PPP2R5C: variants seen among roughly 807,000 people sequenced by gnomAD.
PPP2R5C encodes the protein serine/threonine-protein phosphatase 2A 56 kDa regulatory subunit gamma isoform.
A neutral mutation model predicts 68.9 loss-of-function variants in PPP2R5C; 7 were observed. The observed-to-expected ratio is 0.10, with a 90% CI of 0.06 to 0.19. The LOEUF (loss-of-function observed/expected upper bound fraction) is 0.19. Among genes scored for constraint, PPP2R5C ranks in the 10% least tolerant of loss-of-function variants. PPP2R5C has a pLI of 1.00. For synonymous variants in PPP2R5C, 210 were observed against 222.2 expected, an observed-to-expected ratio of 0.95 and a Z score of 0.49; for missense variants, 348 against 641.3, an observed-to-expected ratio of 0.54 and a Z score of 4.94.
intron 1 of PPP2R5C, among the ~76,000 whole-genome samples, chr14:101,817,026 C>T (rs1411003143): frequency 6.7e-6 from 1 of 148,590 alleles, no homozygotes; most frequent in Non-Finnish European, 1.5e-5. Flanking sequence ...GGAGCAATCT[C>T]AGCTCACTGC....
chr14:101,760,964 CGAGGG>C (rs1234546558), upstream of PPP2R5C, among the ~76,000 whole-genome samples: 90 of 75,006 alleles, frequency 1.2e-3, no homozygotes, highest in East Asian at 8.6e-3. Context: ...ACGGGCTGGT[CGAGGG>C]GAGGGGAGGG....
At chr14:101,846,076 G>A (rs1211278128) in intron 1 of PPP2R5C, among the ~76,000 whole-genome samples, 1 of 152,234 alleles carries the variant, frequency 6.6e-6, no homozygotes, top group East Asian at 1.9e-4. Flanking sequence ...GGTTTCTCAT[G>A]GAGCCCCGCC....
At chr14:101,914,182 G>A (rs543110020) in intron 12 of PPP2R5C, 14 of 456,102 alleles carry the variant, frequency 3.1e-5, no homozygotes, top group African/African-American at 1.6e-4. Flanking sequence ...CAGGCATGCC[G>A]TGGTTCTGCA....
intron 1 of PPP2R5C, chr14:101,818,773 A>C (rs1245048072): frequency 2.8e-5 from 12 of 433,622 alleles, no homozygotes; most frequent in Non-Finnish European, 4.2e-5. Flanking sequence ...TCCCAACTAT[A>C]ACCTTATATC....
chr14:101,922,753 G>A (rs1257655790), intron 13 of PPP2R5C, among the ~76,000 whole-genome samples: 2 of 151,976 alleles, frequency 1.3e-5, no homozygotes, highest in African/African-American at 4.8e-5. Flanking sequence ...AGGAGTTGGA[G>A]TCTGCAGTGA....
At chr14:101,903,467 G>A (rs913366237) in intron 9 of PPP2R5C, among the ~76,000 whole-genome samples, 7 of 152,156 alleles carry the variant, frequency 4.6e-5, no homozygotes, top group Admixed American at 6.5e-5. Context: ...CTGCCAGGGC[G>A]GCCTGCCATG....
chr14:101,895,987 T>TG (rs1326372329), intron 8 of PPP2R5C, among the ~76,000 whole-genome samples: 1 of 152,192 alleles, frequency 6.6e-6, no homozygotes, highest in Non-Finnish European at 1.5e-5. Flanking sequence ...CTGATGCTGC[T>TG]GCTGCTGCTG....
intron 2 of PPP2R5C, 133 bp downstream of exon 2, chr14:101,763,103 T>C (rs75376491): frequency 0.065 from 44,669 of 692,232 alleles, 1,615 homozygotes; most frequent in East Asian, 0.12. Flanking sequence ...TGGTGTCTTT[T>C]ATAACCCTCA....
chr14:101,805,262 C>T (rs1358898781), upstream of PPP2R5C, among the ~76,000 whole-genome samples: 1 of 152,052 alleles, frequency 6.6e-6, no homozygotes, highest in African/African-American at 2.4e-5. Flanking sequence ...GATGGGGTTT[C>T]GCCATGTTGG....
intron 2 of PPP2R5C, among the ~76,000 whole-genome samples, chr14:101,763,214 G>T (rs187921686): frequency 3.4e-4 from 52 of 151,516 alleles, no homozygotes; most frequent in Admixed American, 6.6e-4. Context: ...GTCTTTTGGG[G>T]TTTTTTTTGT....
chr14:101,865,202 G>A (rs561722648), intron 2 of PPP2R5C, among the ~76,000 whole-genome samples: 11 of 152,182 alleles, frequency 7.2e-5, no homozygotes, highest in Non-Finnish European at 1.2e-4. Context: ...ACGGGGGCAG[G>A]CACCCAATTC....
At chr14:101,842,059 AG>A (rs1490906622) in intron 1 of PPP2R5C, among the ~76,000 whole-genome samples, 2 of 152,150 alleles carry the variant, frequency 1.3e-5, no homozygotes, top group African/African-American at 2.4e-5. Flanking sequence ...TCAGGAAAAC[AG>A]AAGTTCAGTG....
intron 1 of PPP2R5C, among the ~76,000 whole-genome samples, chr14:101,830,103 G>C (rs2040647416): frequency 1.3e-5 from 2 of 152,126 alleles, no homozygotes; most frequent in Admixed American, 1.3e-4. Context: ...GTAAAGAAAA[G>C]CATCTATATT....
intron 3 of PPP2R5C, among the ~76,000 whole-genome samples, chr14:101,803,970 C>A (rs748699306): frequency 3.3e-5 from 5 of 152,100 alleles, no homozygotes; most frequent in Non-Finnish European, 5.9e-5. Context: ...TTGCAAACTA[C>A]TCATCTGACA....
At chr14:101,813,387 G>A (rs527852265) in intron 1 of PPP2R5C, among the ~76,000 whole-genome samples, 1 of 152,358 alleles carries the variant, frequency 6.6e-6, no homozygotes, top group Non-Finnish European at 1.5e-5. Flanking sequence ...CAGGTGACAG[G>A]CTGGATTTGG....
intron 2 of PPP2R5C, among the ~76,000 whole-genome samples, chr14:101,859,127 A>G (rs1315441444): frequency 6.6e-6 from 1 of 152,242 alleles, no homozygotes; most frequent in Non-Finnish European, 1.5e-5. Context: ...ATCATGGGCC[A>G]GGCACGTTTT....
intron 2 of PPP2R5C, among the ~76,000 whole-genome samples, chr14:101,880,411 A>G (rs1741152): frequency 0.38 from 58,466 of 152,016 alleles, 14,854 homozygotes; most frequent in African/African-American, 0.73. Context: ...GATGCTTGAT[A>G]CTCAGATGCT....
At chr14:101,836,548 T>G (rs1340698775) in intron 1 of PPP2R5C, 11 of 568,274 alleles carry the variant, frequency 1.9e-5, no homozygotes, top group Non-Finnish European at 3.5e-5. Flanking sequence ...AATAAATTTC[T>G]TTAAATATAA....
At chr14:101,872,219 C>CTTTTTTTTTTTTTTTT (rs386382344) in intron 2 of PPP2R5C, among the ~76,000 whole-genome samples, 4 of 91,196 alleles carry the variant, frequency 4.4e-5, no homozygotes, top group African/African-American at 1.5e-4. Flanking sequence ...TTTCTTTTGC[C>CTTTTTTTTTTTTTTTT]TTTTTTTTTT....
Sources: gnomAD v4.1 joint callset for allele counts (sites outside exome capture counted in the v4.1 genomes callset) on GRCh38, gnomAD v4.1.1 for gene constraint, MANE v1.5 for transcripts, NCBI Gene and HGNC (gene_info 2026-07-23, HGNC 2026-07-21) for gene names.